Variants in NRG1 observed in about 807,000 individuals in gnomAD.
The protein encoded by NRG1 is neuregulin 1, also known as pro-neuregulin-1, membrane-bound isoform.
Under a neutral mutation model 63.8 loss-of-function variants are expected in NRG1, and 18 were observed. That is an observed-to-expected ratio of 0.28 (90% CI 0.19 to 0.42). NRG1 has a LOEUF of 0.42. Among genes scored for constraint, NRG1 ranks in the 10% least tolerant of loss-of-function variants. The probability of loss-of-function intolerance (pLI) is 1.00; values close to 1 mark genes in which losing one functional copy is unlikely to be tolerated. For missense variants in NRG1, 762 were observed against 814.7 expected (o/e 0.94, Z 0.79); for synonymous variants, 302 against 301.3 (o/e 1.00, Z -0.02).
intron 1 of NRG1, among the ~76,000 whole-genome samples, chr8:31,996,398 A>C (rs573521456): frequency 7.2e-5 from 11 of 152,092 alleles, no homozygotes; most frequent in Admixed American, 7.2e-4. Flanking sequence ...TTGTGAGAAC[A>C]AAATGACACA....
chr8:32,142,343 G>A (rs1410705776), intron 1 of NRG1, among the ~76,000 whole-genome samples: 1 of 152,168 alleles, frequency 6.6e-6, no homozygotes, highest in East Asian at 1.9e-4. Flanking sequence ...GTTAGTGTGA[G>A]TGTTAATAAC....
chr8:31,762,163 G>T (rs1057362678), intron 1 of NRG1, among the ~76,000 whole-genome samples: 1 of 152,044 alleles, frequency 6.6e-6, no homozygotes, highest in Non-Finnish European at 1.5e-5. Context: ...CATGTGACAT[G>T]GTGGTTTGCT....
intron 1 of NRG1, among the ~76,000 whole-genome samples, chr8:31,711,776 A>G (rs1305138923): frequency 2.0e-5 from 3 of 152,188 alleles, no homozygotes; most frequent in Non-Finnish European, 2.9e-5. Flanking sequence ...AGGTACTGGC[A>G]GATCTGTGTC....
intron 5 of NRG1, among the ~76,000 whole-genome samples, chr8:32,645,170 A>G (rs1258322890): frequency 2.0e-5 from 3 of 152,224 alleles, no homozygotes; most frequent in East Asian, 1.9e-4. Flanking sequence ...TTGAGATCTT[A>G]CTATCTTTCA....
intron 1 of NRG1, among the ~76,000 whole-genome samples, chr8:32,304,330 G>C (rs1170653390): frequency 6.6e-6 from 1 of 152,184 alleles, no homozygotes. Context: ...ATATGTATCT[G>C]CAAAGGCAAG....
At chr8:31,985,468 G>C (rs192328433) in intron 1 of NRG1, among the ~76,000 whole-genome samples, 1 of 151,836 alleles carries the variant, frequency 6.6e-6, no homozygotes, top group South Asian at 2.1e-4. Context: ...CTAAAAGAAG[G>C]GTGCAATTTA....
At chr8:32,537,292 T>C (rs1554575342) in intron 1 of NRG1, among the ~76,000 whole-genome samples, 1 of 151,246 alleles carries the variant, frequency 6.6e-6, no homozygotes, top group Non-Finnish European at 1.5e-5. Context: ...CCTCTTACCT[T>C]CTGCTGCCCC....
intron 1 of NRG1, among the ~76,000 whole-genome samples, chr8:31,764,985 C>A (rs574133418): frequency 6.8e-6 from 1 of 146,958 alleles, no homozygotes; most frequent in South Asian, 2.2e-4. Context: ...TGAGAATATG[C>A]GGTGTTTGAT....
intron 1 of NRG1, among the ~76,000 whole-genome samples, chr8:31,972,257 G>A (rs533707967): frequency 2.6e-5 from 4 of 152,226 alleles, no homozygotes; most frequent in African/African-American, 9.6e-5. Context: ...ACAGCCACAA[G>A]TGAAATAGTC....
intron 1 of NRG1, among the ~76,000 whole-genome samples, chr8:31,694,850 A>G (rs1296758665): frequency 6.6e-6 from 1 of 152,188 alleles, no homozygotes; most frequent in Non-Finnish European, 1.5e-5. Context: ...TATTTCTAAC[A>G]CCACTCTTGG....
rs140939996 is a variant in NRG1 at position 32,749,315 on chromosome 8, T to C, written c.692-5057T>C. 7.0e-6 allele frequency: 4 copies of C among 568,938 alleles called. No homozygotes were observed. In the Admixed American group the frequency reaches 1.3e-4, roughly 19 times the overall value. 35.2% of individuals were successfully genotyped at this position (568,938 alleles called of 1,614,324 possible). Reference sequence around the variant, plus strand: ...GAACTTCTCCCTCAGTAAGGTCTTTTAAGGGTTAATAAAGACACAGTGTGC... The same window carrying C: ...GAACTTCTCCCTCAGTAAGGTCTTTCAAGGGTTAATAAAGACACAGTGTGC... On this transcript the variant is annotated intron_variant, in intron 7 of 11. Transcript: ENST00000356819.
Position 32,071,039 on chromosome 8 carries a change from A to G in NRG1, c.37+431608A>G, listed in dbSNP as rs574953126. 1.1e-4 allele frequency among the ~76,000 whole-genome samples: 17 copies of G among 152,150 alleles called. No homozygotes were observed. The South Asian group carries it at 3.1e-3, about 28-fold the overall frequency. ...CTCTCTGCCTATGATTCTCTTCTCT[A>G]TGCTCTTTGCTGAACCACCTCCTTC... On this transcript the variant is annotated intron_variant, in intron 1 of 10. Coordinates refer to the NRG1 transcript ENST00000519301.
rs75478014 is a variant in NRG1, at chr8:32,424,428, C to T, written c.38-171400C>T. On this transcript the variant is annotated intron_variant, in intron 1 of 10. Transcript: ENST00000519301. The stretch of plus-strand genomic sequence containing the variant: ...TTGGGGTTCAATGAGATCAAAAGCA[C>T]GGATACCAATTTTGGGATCAGGAAT... Among the ~76,000 whole-genome samples the T allele has an allele frequency of 5.8e-3, 880 of 152,156 alleles. 9 individuals are homozygous for T. Among genetic ancestry groups the T allele is most frequent in the African/African-American group, 0.02 (847 of 41,512 alleles).
intron 1 of NRG1, among the ~76,000 whole-genome samples, chr8:32,220,082 A>AGGC (rs1374934043): frequency 2.0e-5 from 3 of 152,182 alleles, no homozygotes; most frequent in African/African-American, 7.2e-5. Flanking sequence ...AAAGTGGGGA[A>AGGC]GGCGGGGGTG....
chr8:31,674,961 C>T (rs1038023638), intron 1 of NRG1, among the ~76,000 whole-genome samples: 3 of 152,200 alleles, frequency 2.0e-5, no homozygotes, highest in African/African-American at 7.2e-5. Flanking sequence ...TGAGGTCCCA[C>T]AGAGGTGGAG....
chr8:31,926,075 G>A (rs1179216418), intron 1 of NRG1, among the ~76,000 whole-genome samples: 1 of 152,122 alleles, frequency 6.6e-6, no homozygotes, highest in Non-Finnish European at 1.5e-5. Context: ...AGAGAGGAAT[G>A]TATTTTCTTC....
chr8:31,932,554 G>A (rs1834953769), intron 1 of NRG1, among the ~76,000 whole-genome samples: 1 of 152,174 alleles, frequency 6.6e-6, no homozygotes. Flanking sequence ...GTCGTCAGGA[G>A]TGACATTTAC....
intron 1 of NRG1, among the ~76,000 whole-genome samples, chr8:32,183,400 C>G (rs1206198697): frequency 6.6e-6 from 1 of 152,178 alleles, no homozygotes; most frequent in Non-Finnish European, 1.5e-5. Flanking sequence ...AAAATGTATT[C>G]CAATTTTTCT....
At chr8:32,634,641 T>G (rs1211868044) in intron 5 of NRG1, among the ~76,000 whole-genome samples, 1 of 152,234 alleles carries the variant, frequency 6.6e-6, no homozygotes, top group Non-Finnish European at 1.5e-5. Context: ...AACATGTATA[T>G]TCTCATCATC....
Sources: allele counts gnomAD v4.1 joint callset (sites outside exome capture counted in the v4.1 genomes callset), GRCh38; gene constraint gnomAD v4.1.1; transcripts MANE v1.5; gene names NCBI Gene and HGNC (gene_info 2026-07-23, HGNC 2026-07-21).